Variants in DAB1 observed in about 807,000 individuals in gnomAD.
The protein encoded by DAB1 is disabled homolog 1.
Under a neutral mutation model 64.6 loss-of-function variants are expected in DAB1, and 15 were observed. The ratio of observed to expected loss-of-function variants is 0.23; its 90% CI spans 0.16 to 0.36. The LOEUF (loss-of-function observed/expected upper bound fraction) is 0.36, where lower values mean the gene tolerates loss of function less well. Ranked by LOEUF, DAB1 falls within the 10% of genes least tolerant of loss-of-function variation. The probability of loss-of-function intolerance (pLI) is 1.00; values close to 1 mark genes in which losing one functional copy is unlikely to be tolerated. For synonymous variants in DAB1, 235 were observed against 251.9 expected (o/e 0.93, Z 0.64); for missense variants, 596 against 706.7 (o/e 0.84, Z 1.78).
intron 5 of DAB1, among the ~76,000 whole-genome samples, chr1:57,933,192 A>T (rs1311967428): frequency 2.0e-5 from 3 of 152,218 alleles, no homozygotes; most frequent in Non-Finnish European, 2.9e-5. Flanking sequence ...TATCAATTAC[A>T]ATTCAGGATT....
intron 3 of DAB1, among the ~76,000 whole-genome samples, chr1:58,396,274 G>T (rs1644521324): frequency 6.6e-6 from 1 of 152,062 alleles, no homozygotes; most frequent in Admixed American, 6.5e-5. Flanking sequence ...GGGAACTGCC[G>T]GCTGCACTGC....
At chr1:57,675,849 T>C (rs895121820) in intron 6 of DAB1, among the ~76,000 whole-genome samples, 3 of 152,198 alleles carry the variant, frequency 2.0e-5, no homozygotes, top group African/African-American at 7.2e-5. Context: ...GGGACAGGAA[T>C]AAAGCTTTGT....
chr1:58,255,277 G>A (rs1444227714), intron 4 of DAB1, among the ~76,000 whole-genome samples: 1 of 151,698 alleles, frequency 6.6e-6, no homozygotes, highest in Non-Finnish European at 1.5e-5. Context: ...ATTTGTTTGA[G>A]TTCATTGTAG....
chr1:58,131,999 C>T (rs1188440093), intron 5 of DAB1, among the ~76,000 whole-genome samples: 5 of 152,050 alleles, frequency 3.3e-5, no homozygotes, highest in Admixed American at 3.3e-4. Flanking sequence ...GTTCGAGCTT[C>T]CTGGCTGCTT....
At position 58,288,651 on chromosome 1, in the gene DAB1, C is replaced by T. The variant is rs565505915; in HGVS notation, n.309+54701G>A. Among the ~76,000 whole-genome samples, 124 of 152,266 alleles carry T rather than the reference C, an allele frequency of 8.1e-4. 1 individual carries two copies. The highest frequency in any genetic ancestry group is 1.5e-3 in the Non-Finnish European group (99 of 68,022). On this transcript the variant is annotated intron_variant and non_coding_transcript_variant, in intron 4 of 20. Transcript: ENST00000485760. Reference sequence around the variant, plus strand: ...TCGTCTTTTAGTATAGTGCCTGGTACATAATAAGTGAAAATAAATACTGCT... The same window carrying T: ...TCGTCTTTTAGTATAGTGCCTGGTATATAATAAGTGAAAATAAATACTGCT...
intron 7 of DAB1, among the ~76,000 whole-genome samples, chr1:57,599,873 C>G (rs773109833): frequency 5.1e-4 from 78 of 152,302 alleles, no homozygotes; most frequent in Non-Finnish European, 2.6e-4. Flanking sequence ...TTCCGCTCTC[C>G]AGCTTTGCAA....
chr1:58,204,210 T>C (rs1393048614), intron 4 of DAB1, among the ~76,000 whole-genome samples: 2 of 152,168 alleles, frequency 1.3e-5, no homozygotes, highest in Non-Finnish European at 1.5e-5. Flanking sequence ...GAATTGGAAA[T>C]GCAGCTCTTG....
intron 5 of DAB1, among the ~76,000 whole-genome samples, chr1:58,005,994 T>G (rs1570212556): frequency 6.6e-6 from 1 of 152,132 alleles, no homozygotes; most frequent in Non-Finnish European, 1.5e-5. Flanking sequence ...GGCTGTTTGG[T>G]TGGCCTGTGC....
intron 6 of DAB1, among the ~76,000 whole-genome samples, chr1:57,665,646 G>C (rs1646437486): frequency 6.6e-6 from 1 of 152,026 alleles, no homozygotes. Context: ...TTTCAGAATG[G>C]TATGTAGCTA....
intron 1 of DAB1, among the ~76,000 whole-genome samples, chr1:57,359,372 A>G (rs1290269831): frequency 6.6e-6 from 1 of 152,092 alleles, no homozygotes; most frequent in African/African-American, 2.4e-5. Context: ...AGTGAAATGC[A>G]AATCAAAACC....
chr1:57,405,940 C>A (rs981393180), intron 1 of DAB1, among the ~76,000 whole-genome samples: 5 of 152,176 alleles, frequency 3.3e-5, no homozygotes, highest in African/African-American at 9.7e-5. Context: ...TGTGCACAAC[C>A]AAAATCTCAT....
chr1:57,286,219 G>T (rs1022524547), intron 2 of DAB1, among the ~76,000 whole-genome samples: 1 of 152,146 alleles, frequency 6.6e-6, no homozygotes, highest in Admixed American at 6.5e-5. Context: ...CTGGGTTAAA[G>T]AACTAGGGTG....
intron 3 of DAB1, among the ~76,000 whole-genome samples, chr1:58,411,836 T>C (rs1245766849): frequency 6.6e-6 from 1 of 152,196 alleles, no homozygotes; most frequent in African/African-American, 2.4e-5. Context: ...TGCAAATTTA[T>C]CTCTCTATTT....
At chr1:57,893,462 G>A (rs1278697258) in intron 5 of DAB1, among the ~76,000 whole-genome samples, 2 of 152,140 alleles carry the variant, frequency 1.3e-5, no homozygotes, top group Non-Finnish European at 1.5e-5. Context: ...ACTTTTCACT[G>A]GAATTCTCTG....
At chr1:57,068,765 A>C (rs777002620) in intron 8 of DAB1, among the ~76,000 whole-genome samples, 7 of 152,202 alleles carry the variant, frequency 4.6e-5, no homozygotes, top group African/African-American at 4.8e-5. Flanking sequence ...ATAGTTGTAC[A>C]ACCCCGAGAA....
rs75121866 is a variant in DAB1, at chr1:57,282,205, A to C, written c.67+8759T>G. On this transcript the variant is annotated intron_variant, in intron 2 of 14. Transcript: ENST00000371236. ...CTCAAAAAAAAAAAAAAAAAAAAAA[A>C]AAAAAAACAGGTGACTGAGTTTTGA... 3.1e-4 allele frequency among the ~76,000 whole-genome samples: 31 copies of C among 101,496 alleles called. 1 individual carries two copies. Among genetic ancestry groups the C allele is most frequent in the African/African-American group, 9.8e-4 (26 of 26,556 alleles). The allele number at this position is 101,496 out of a possible 152,430, so 66.6% of individuals were successfully genotyped here.
At chr1:58,375,962 A>C (rs1403958253) in intron 3 of DAB1, among the ~76,000 whole-genome samples, 1 of 147,206 alleles carries the variant, frequency 6.8e-6, no homozygotes, top group East Asian at 2.0e-4. Flanking sequence ...TTTCTAGTTT[A>C]TTTGCGTAGA....
upstream of DAB1, among the ~76,000 whole-genome samples, chr1:57,424,757 G>A (rs749542504): frequency 6.6e-6 from 1 of 152,160 alleles, no homozygotes; most frequent in East Asian, 1.9e-4. Context: ...TTTTGACTGA[G>A]GTTTCCCAGG....
chr1:58,238,664 G>A (rs931846245), intron 4 of DAB1, among the ~76,000 whole-genome samples: 1 of 152,094 alleles, frequency 6.6e-6, no homozygotes. Flanking sequence ...ACTTCCACTC[G>A]AATGCCCAGA....
Sources: allele counts gnomAD v4.1 joint callset (sites outside exome capture counted in the v4.1 genomes callset), GRCh38; gene constraint gnomAD v4.1.1; transcripts MANE v1.5; gene names NCBI Gene and HGNC (gene_info 2026-07-23, HGNC 2026-07-21).